QKI: variants seen among roughly 807,000 people sequenced by gnomAD.
QKI encodes QKI, KH domain containing RNA binding.
A neutral mutation model predicts 39.0 loss-of-function variants in QKI; 10 were observed. That is an observed-to-expected ratio of 0.26 (90% CI 0.16 to 0.43). The LOEUF is 0.43. Ranked by LOEUF, QKI falls within the 20% of genes least tolerant of loss-of-function variation. The pLI is 1.00. For synonymous variants in QKI, 204 were observed against 155.4 expected, an observed-to-expected ratio of 1.31 and a Z score of -2.33; for missense variants, 218 against 428.0, an observed-to-expected ratio of 0.51 and a Z score of 4.33.
intron 1 of QKI, among the ~76,000 whole-genome samples, chr6:163,429,453 T>C (rs1788665119): frequency 1.3e-5 from 2 of 152,122 alleles, no homozygotes; most frequent in African/African-American, 4.8e-5. Context: ...TTTGCAAATA[T>C]AATGTTTATA....
intron 4 of QKI, among the ~76,000 whole-genome samples, chr6:163,557,178 C>T (rs1371506348): frequency 6.6e-6 from 1 of 152,194 alleles, no homozygotes; most frequent in Non-Finnish European, 1.5e-5. Context: ...ATGAGTCTGA[C>T]AGCTGTCATA....
rs1220788133 is a variant in QKI at position 163,575,356 on chromosome 6, A to T, written c.*4646A>T. ...GCCTTTTATGTAGGAAATGTAAAAA[A>T]GTTTTAAAAGGCGAAAATAACATTA... On this transcript the variant is annotated 3_prime_UTR_variant, in exon 8 of 8. Transcript: ENST00000361752. The T allele has an allele frequency of 6.6e-6, 1 of 152,226 alleles. No homozygotes were observed. The highest frequency in any genetic ancestry group is 2.4e-5 in the African/African-American group (1 of 41,466). The allele number at this position is 152,226 out of a possible 1,614,324, so 9.4% of individuals were successfully genotyped here.
chr6:163,567,726 A>G, intron 7 of QKI: 1 of 984,472 alleles, frequency 1.0e-6, no homozygotes, highest in African/African-American at 1.7e-5. Flanking sequence ...CATGGTAGTA[A>G]AAAAGGATTT....
In QKI at chr6:163,568,404, G is replaced by A. The variant is rs538236522; in HGVS notation, c.1009+1609G>A. 5 of 984,826 alleles carry A rather than the reference G, an allele frequency of 5.1e-6. No homozygotes were observed. The South Asian group carries it at 1.9e-4, about 37-fold the overall frequency. 61.0% of individuals were successfully genotyped at this position (984,826 alleles called of 1,614,324 possible). ...GATTTTATTGTATTTGGAAAATTAC[G>A]ACACATTCCATGCATGGATCTTTTG... On this transcript the variant is annotated intron_variant, in intron 7 of 7. Coordinates refer to ENST00000361752, the MANE Select transcript of QKI (RefSeq NM_006775.3).
chr6:163,425,394 A>G (rs759557390), intron 1 of QKI, among the ~76,000 whole-genome samples: 6 of 152,208 alleles, frequency 3.9e-5, no homozygotes, highest in Non-Finnish European at 7.3e-5. Context: ...GAAGGCCAGA[A>G]TACATAGTCT....
chr6:163,423,143 C>A (rs1364662982), intron 1 of QKI: 1 of 152,068 alleles, frequency 6.6e-6, no homozygotes, highest in African/African-American at 2.4e-5. Context: ...TAAAAATTAG[C>A]CGGGCATGGT....
At chr6:163,429,338 T>C (rs1386985894) in intron 1 of QKI, among the ~76,000 whole-genome samples, 1 of 152,156 alleles carries the variant, frequency 6.6e-6, no homozygotes, top group Non-Finnish European at 1.5e-5. Flanking sequence ...TAATGTTTCC[T>C]TGTAGTCCCC....
intron 1 of QKI, among the ~76,000 whole-genome samples, chr6:163,440,095 G>T (rs938263183): frequency 6.6e-5 from 10 of 151,694 alleles, no homozygotes; most frequent in Non-Finnish European, 1.5e-4. Flanking sequence ...CTACTTTTTT[G>T]TTCTTTACTT....
intron 4 of QKI, 134 bp downstream of exon 4, chr6:163,535,259 C>G: frequency 1.2e-6 from 1 of 845,234 alleles, no homozygotes; most frequent in Non-Finnish European, 1.7e-6. Context: ...TTAAAAACAC[C>G]TGACTGATAC....
rs1461091381 is a variant in QKI at position 163,576,507 on chromosome 6, AATAT to A, written c.*5800_*5803del. On this transcript the variant is annotated 3_prime_UTR_variant, in exon 8 of 8. Transcript: ENST00000361752. ...AAGTGCTATTAAGTTTTTATTACCA[AATAT>A]ATCTTTTATGGTTTATATTGTAGTG... The A allele has an allele frequency of 6.6e-6, 1 of 152,146 alleles. No homozygotes were observed. The highest frequency in any genetic ancestry group is 2.4e-5 in the African/African-American group (1 of 41,396). The allele number at this position is 152,146 out of a possible 1,614,324, so 9.4% of individuals were successfully genotyped here.
intron 3 of QKI, among the ~76,000 whole-genome samples, chr6:163,488,816 T>A (rs1777851918): frequency 6.6e-6 from 1 of 152,190 alleles, no homozygotes; most frequent in Non-Finnish European, 1.5e-5. Context: ...TTTCCTGTTT[T>A]CTACCTTAGA....
chr6:163,485,042 A>G (rs1166740599), intron 3 of QKI, among the ~76,000 whole-genome samples: 1 of 152,198 alleles, frequency 6.6e-6, no homozygotes, highest in Non-Finnish European at 1.5e-5. Flanking sequence ...GTGCCAGGAA[A>G]CAAAGACCAA....
chr6:163,472,707 G>T (rs1792292989), intron 2 of QKI, among the ~76,000 whole-genome samples: 1 of 152,090 alleles, frequency 6.6e-6, no homozygotes, highest in African/African-American at 2.4e-5. Context: ...ACTGTAGGAA[G>T]CTAAAAATCA....
chr6:163,416,902 C>T (rs1199017653), intron 1 of QKI, among the ~76,000 whole-genome samples: 4 of 114,234 alleles, frequency 3.5e-5, no homozygotes, highest in Non-Finnish European at 7.2e-5. Context: ...AGGCAGAAAA[C>T]TTTCTGGAAT....
At chr6:163,504,166 A>C (rs1338420685) in intron 3 of QKI, among the ~76,000 whole-genome samples, 1 of 152,084 alleles carries the variant, frequency 6.6e-6, no homozygotes, top group Non-Finnish European at 1.5e-5. Flanking sequence ...TTCTGTCAAA[A>C]TTCAGATGGC....
At chr6:163,485,015 G>T (rs1777557069) in intron 3 of QKI, among the ~76,000 whole-genome samples, 1 of 152,122 alleles carries the variant, frequency 6.6e-6, no homozygotes, top group African/African-American at 2.4e-5. Context: ...GGGAGATTCA[G>T]GGGTTTTAGG....
chr6:163,570,668 G>GT (rs112825267), intron 7 of QKI, 26 bp from the exon 8 acceptor site: 219,739 of 1,566,598 alleles, frequency 0.14, 12,862 homozygotes, highest in East Asian at 0.31. Context: ...TTTTTGTTTT[G>GT]TTTTTTTTTG....
intron 3 of QKI, among the ~76,000 whole-genome samples, chr6:163,518,129 C>T (rs1779941745): frequency 6.6e-6 from 1 of 152,096 alleles, no homozygotes; most frequent in Non-Finnish European, 1.5e-5. Flanking sequence ...TTTGTGTAAT[C>T]TAGAGAGATG....
At chr6:163,531,199 T>C (rs1057001334) in intron 3 of QKI, among the ~76,000 whole-genome samples, 1 of 152,228 alleles carries the variant, frequency 6.6e-6, no homozygotes, top group Non-Finnish European at 1.5e-5. Flanking sequence ...ATTAACTCTC[T>C]GAAGGGTCAG....
Sources: gnomAD v4.1 joint callset for allele counts (sites outside exome capture counted in the v4.1 genomes callset) on GRCh38, gnomAD v4.1.1 for gene constraint, MANE v1.5 for transcripts, NCBI Gene and HGNC (gene_info 2026-07-23, HGNC 2026-07-21) for gene names.